PPIP5K2: variants seen among roughly 807,000 people sequenced by gnomAD.
PPIP5K2 encodes inositol hexakisphosphate and diphosphoinositol-pentakisphosphate kinase 2.
In PPIP5K2, 105 loss-of-function variants were observed where a neutral mutation model predicts 154.6. That is an observed-to-expected ratio of 0.68 (90% CI 0.58 to 0.80). PPIP5K2 has a LOEUF of 0.80. PPIP5K2 is among the 30% of genes least tolerant of loss of function. The pLI is 0.00. For synonymous variants in PPIP5K2, 480 were observed against 490.3 expected (o/e 0.98, Z 0.28); for missense variants, 992 against 1,504.6 (o/e 0.66, Z 5.64).
intron 24 of PPIP5K2, among the ~76,000 whole-genome samples, chr5:103,181,984 A>G (rs1224817686): frequency 6.6e-6 from 1 of 152,200 alleles, no homozygotes; most frequent in Non-Finnish European, 1.5e-5. Context: ...GTATTTAACA[A>G]TTATAGAACT....
chr5:103,134,493 G>A (rs1329934278), intron 3 of PPIP5K2, among the ~76,000 whole-genome samples: 1 of 152,110 alleles, frequency 6.6e-6, no homozygotes, highest in Non-Finnish European at 1.5e-5. Context: ...ATGGAGCATG[G>A]TTTTGCTACC....
chr5:103,149,114 A>G, intron 7 of PPIP5K2, 38 bp from the exon 8 acceptor site: 3 of 1,486,728 alleles, frequency 2.0e-6, no homozygotes, highest in Non-Finnish European at 2.7e-6. Flanking sequence ...ACACACATAC[A>G]TATATATATT....
At chr5:103,144,430 A>G (rs1208426950) in intron 5 of PPIP5K2, among the ~76,000 whole-genome samples, 4 of 152,280 alleles carry the variant, frequency 2.6e-5, no homozygotes, top group East Asian at 1.9e-4. Flanking sequence ...AAAAAATACT[A>G]AAATTTATAT....
intron 27 of PPIP5K2, 35 bp downstream of exon 27, chr5:103,186,474 A>G (rs373379750): frequency 6.1e-5 from 99 of 1,612,230 alleles, no homozygotes; most frequent in Non-Finnish European, 8.2e-5. Context: ...ATTCATACCT[A>G]CACCCATGCA....
chr5:103,144,306 A>G (rs1554208412), intron 5 of PPIP5K2, among the ~76,000 whole-genome samples: 1 of 152,112 alleles, frequency 6.6e-6, no homozygotes, highest in African/African-American at 2.4e-5. Flanking sequence ...ATGGAAAAAT[A>G]CTCCATTTTC....
chr5:103,132,943 G>C (rs1790879551), intron 2 of PPIP5K2, among the ~76,000 whole-genome samples: 1 of 152,186 alleles, frequency 6.6e-6, no homozygotes, highest in African/African-American at 2.4e-5. Flanking sequence ...TGACACCTCT[G>C]TTAGCAGTGT....
intron 21 of PPIP5K2, chr5:103,176,786 A>C: frequency 3.7e-6 from 3 of 821,490 alleles, no homozygotes; most frequent in Non-Finnish European, 3.6e-6. Context: ...TTCAGATAGA[A>C]TTTTCTACTT....
intron 3 of PPIP5K2, chr5:103,135,958 G>A (rs1335257397): frequency 7.0e-6 from 1 of 142,792 alleles, no homozygotes; most frequent in Admixed American, 7.0e-5. Flanking sequence ...ATTAAGTTTT[G>A]CTTCTGTAGC....
chr5:103,173,112 T>C (rs1554219966), intron 19 of PPIP5K2, 43 bp from the exon 20 acceptor site: 1 of 1,501,600 alleles, frequency 6.7e-7, no homozygotes, highest in Admixed American at 2.2e-5. Flanking sequence ...TAGAGTACTT[T>C]GTCATTATAT....
chr5:103,189,435 T>C (rs190033165), intron 28 of PPIP5K2, among the ~76,000 whole-genome samples: 57 of 152,114 alleles, frequency 3.7e-4, no homozygotes, highest in Non-Finnish European at 6.5e-4. Flanking sequence ...TTATAAACTT[T>C]GTGAGGAAAG....
At chr5:103,164,446 A>G (rs1271647428) in intron 17 of PPIP5K2, among the ~76,000 whole-genome samples, 1 of 152,048 alleles carries the variant, frequency 6.6e-6, no homozygotes, top group African/African-American at 2.4e-5. Context: ...ACACCAGGTG[A>G]ATACTTACTA....
At chr5:103,196,007 TA>T (rs782041390) in intron 30 of PPIP5K2, among the ~76,000 whole-genome samples, 24 of 152,220 alleles carry the variant, frequency 1.6e-4, no homozygotes, top group Admixed American at 6.5e-4. Context: ...CTTCTTCATA[TA>T]ACTGTCAGAA....
At chr5:103,200,803 T>G (rs1469203446) in intron 30 of PPIP5K2, among the ~76,000 whole-genome samples, 1 of 151,926 alleles carries the variant, frequency 6.6e-6, no homozygotes, top group African/African-American at 2.4e-5. Flanking sequence ...ACCCAGCTAA[T>G]TTTTAAAGTT....
At chr5:103,121,015 C>T (rs1788596010) in intron 1 of PPIP5K2, among the ~76,000 whole-genome samples, 1 of 152,114 alleles carries the variant, frequency 6.6e-6, no homozygotes, top group Admixed American at 6.5e-5. Context: ...CAGCCTTCTG[C>T]GCCTTGAAGA....
intron 2 of PPIP5K2, among the ~76,000 whole-genome samples, chr5:103,131,361 T>C (rs1562368740): frequency 6.6e-6 from 1 of 152,180 alleles, no homozygotes; most frequent in Non-Finnish European, 1.5e-5. Context: ...GCTGTGTAAA[T>C]AGTTGTTATA....
chr5:103,184,781 C>T, intron 26 of PPIP5K2, 37 bp downstream of exon 26: 2 of 1,497,364 alleles, frequency 1.3e-6, no homozygotes, highest in Non-Finnish European at 1.9e-6. Context: ...CCATACCCTT[C>T]TTAAACTCAC....
At chr5:103,179,525 T>C (rs1799193203) in intron 23 of PPIP5K2, among the ~76,000 whole-genome samples, 1 of 152,104 alleles carries the variant, frequency 6.6e-6, no homozygotes, top group Non-Finnish European at 1.5e-5. Context: ...ACTTAGTAAA[T>C]GCTTAATGAG....
intron 2 of PPIP5K2, among the ~76,000 whole-genome samples, 186 bp downstream of exon 2, chr5:103,129,889 T>C (rs1790333015): frequency 6.6e-6 from 1 of 152,232 alleles, no homozygotes; most frequent in Admixed American, 6.5e-5. Flanking sequence ...TTATGTTGTT[T>C]AATGATGCCT....
chr5:103,121,578 T>TA (rs1788741388), intron 1 of PPIP5K2, among the ~76,000 whole-genome samples: 1 of 152,248 alleles, frequency 6.6e-6, no homozygotes, highest in Admixed American at 6.5e-5. Context: ...TCCATTCATT[T>TA]AAAAAATTTT....
Sources: gnomAD v4.1 joint callset for allele counts (sites outside exome capture counted in the v4.1 genomes callset) on GRCh38, gnomAD v4.1.1 for gene constraint, MANE v1.5 for transcripts, NCBI Gene and HGNC (gene_info 2026-07-23, HGNC 2026-07-21) for gene names.